Variants in CNDP1 observed in about 807,000 individuals in gnomAD.
CNDP1 encodes beta-Ala-His dipeptidase.
CNDP1 carries 44 observed loss-of-function variants against 58.1 expected under a neutral mutation model. The observed-to-expected ratio is 0.76, with a 90% CI of 0.60 to 0.97. The LOEUF is 0.97. CNDP1 is among the 50% of genes least tolerant of loss of function. The probability of loss-of-function intolerance (pLI) is 0.00; values close to 1 mark genes in which losing one functional copy is unlikely to be tolerated. For synonymous variants in CNDP1, 254 were observed against 252.6 expected, an observed-to-expected ratio of 1.01 and a Z score of -0.05; for missense variants, 616 against 655.1, an observed-to-expected ratio of 0.94 and a Z score of 0.65.
Position 74,576,896 on chromosome 18 carries a change from T to G in CNDP1, c.869T>G (p.Ile290Ser). 1.2e-6 allele frequency: 2 copies of G among 1,613,246 alleles called. No individual in the cohort carries two copies. The highest frequency in any genetic ancestry group is 2.2e-5 in the South Asian group (2 of 90,748). Reference protein sequence around the residue: ...LGSLVDSSGHILVPGIYDEVV... With the variant: ...LGSLVDSSGHSLVPGIYDEVV... ...AGCCTGGTAGACTCGTCTGGTCATA[T>G]CCTGGTCCCTGGAATCTATGATGAA... Residue 290 changes from isoleucine (I) to serine (S), a missense_variant, in exon 8 of 12, where the codon ATC becomes AGC. By Grantham distance (142) the Ile-to-Ser change is moderately radical. Transcript: ENST00000358821.
Position 74,584,901 on chromosome 18 carries a change from A to G in CNDP1, c.*339A>G, listed in dbSNP as rs2887. ...GCAATTTGATTGGCATAATCACTCC[A>G]GTTTGCTTTCTAGGTCCTCAAGTGC... On this transcript the variant is annotated 3_prime_UTR_variant, in exon 12 of 12. Coordinates refer to ENST00000358821, the MANE Select transcript of CNDP1 (RefSeq NM_032649.6). 0.63 allele frequency: 132,049 copies of G among 209,634 alleles called. 42,375 individuals are homozygous for G. The highest frequency in any genetic ancestry group is 0.73 in the South Asian group (5,393 of 7,424). The allele number at this position is 209,634 out of a possible 1,614,324, so 13.0% of individuals were successfully genotyped here.
intron 7 of CNDP1, among the ~76,000 whole-genome samples, chr18:74,575,104 G>GGAAGGAAAGAAAA (rs1981595270): frequency 1.4e-5 from 2 of 144,426 alleles, no homozygotes; most frequent in African/African-American, 2.6e-5. Flanking sequence ...AAAGAAAAAA[G>GGAAGGAAAGAAAA]AAGGAAAGAA....
intron 1 of CNDP1, among the ~76,000 whole-genome samples, chr18:74,541,092 T>C (rs991160264): frequency 4.6e-5 from 7 of 152,314 alleles, no homozygotes; most frequent in African/African-American, 1.7e-4. Flanking sequence ...CACTTTTCTG[T>C]GGTTCACACC....
At chr18:74,583,006 G>T (rs547626208) in intron 10 of CNDP1, among the ~76,000 whole-genome samples, 2 of 151,992 alleles carry the variant, frequency 1.3e-5, no homozygotes, top group African/African-American at 2.4e-5. Context: ...ATTTACAATT[G>T]TATTTATTTA....
chr18:74,537,858 G>C lies in CNDP1; in HGVS notation c.24+3167G>C, dbSNP rs141034481. Among the ~76,000 whole-genome samples the C allele has an allele frequency of 5.8e-4, 88 of 152,282 alleles. No individual in the cohort carries two copies. The South Asian group carries it at 6.0e-3, about 10-fold the overall frequency. On this transcript the variant is annotated intron_variant, in intron 1 of 11. Coordinates refer to ENST00000358821, the MANE Select transcript of CNDP1 (RefSeq NM_032649.6). ...CTCCTTGTTTCTTTCCACATAAAGC[G>C]GCATTCTTGTTAAAACCATAGAGTA... is the stretch of plus-strand genomic sequence containing the variant.
At chr18:74,564,390 A>G (rs1981276619) in intron 5 of CNDP1, among the ~76,000 whole-genome samples, 1 of 152,228 alleles carries the variant, frequency 6.6e-6, no homozygotes, top group Non-Finnish European at 1.5e-5. Context: ...GAGCTAGTCC[A>G]TGCCCTAATA....
chr18:74,574,348 A>G (rs1981574959), intron 7 of CNDP1, among the ~76,000 whole-genome samples: 1 of 152,244 alleles, frequency 6.6e-6, no homozygotes, highest in Non-Finnish European at 1.5e-5. Flanking sequence ...AGCTGCTAAG[A>G]GGATACTTGT....
chr18:74,543,792 A>G (rs1384157217), intron 1 of CNDP1, among the ~76,000 whole-genome samples: 2 of 152,184 alleles, frequency 1.3e-5, no homozygotes, highest in Non-Finnish European at 2.9e-5. Context: ...AGAAGAAAAC[A>G]GAGGAAATGA....
chr18:74,585,601 T>C lies in CNDP1; in HGVS notation c.*1039T>C, dbSNP rs1410978788. ...TCATTTTTCTACAGTTGAGTGTATA[T>C]AAACAAAATCAATCTTTATGAATTT... On this transcript the variant is annotated 3_prime_UTR_variant, in exon 12 of 12. Transcript: ENST00000358821. 1.3e-5 allele frequency: 2 copies of C among 152,322 alleles called. No individual in the cohort carries two copies. The highest frequency in any genetic ancestry group is 3.9e-4 in the East Asian group (2 of 5,188). The allele number at this position is 152,322 out of a possible 1,614,324, so 9.4% of individuals were successfully genotyped here.
intron 11 of CNDP1, chr18:74,584,279 TTGAGTCTAGGAC>T (rs1981859772): frequency 1.9e-6 from 1 of 531,268 alleles, no homozygotes; most frequent in Admixed American, 3.2e-5. Flanking sequence ...ACTTTTGGAT[TTGAGTCTAGGAC>T]TGATTCTCAT....
intron 2 of CNDP1, among the ~76,000 whole-genome samples, chr18:74,558,861 A>G (rs930532255): frequency 6.6e-6 from 1 of 152,144 alleles, no homozygotes; most frequent in Non-Finnish European, 1.5e-5. Context: ...AATGCAGAGC[A>G]TGTTAGGAGG....
chr18:74,587,040 A>G lies in CNDP1; in HGVS notation c.*2478A>G, dbSNP rs948139801. The G allele has an allele frequency of 1.3e-5, 2 of 152,226 alleles. No individual in the cohort carries two copies. The highest frequency in any genetic ancestry group is 2.9e-5 in the Non-Finnish European group (2 of 68,044). 9.4% of individuals were successfully genotyped at this position (152,226 alleles called of 1,614,324 possible). A position where few individuals can be genotyped will look rare whatever the true frequency, so the allele number is the denominator to read the frequency against. On this transcript the variant is annotated 3_prime_UTR_variant, in exon 12 of 12. Transcript: ENST00000358821. ...GACTTTGTTGTATTGGAGGAGGGCAATGTATCTGGCTTTGTTAGTAGACGT... is the reference window on the plus strand; with the variant it reads ...GACTTTGTTGTATTGGAGGAGGGCAGTGTATCTGGCTTTGTTAGTAGACGT...
chr18:74,569,586 G>A (rs1312124505), intron 6 of CNDP1, among the ~76,000 whole-genome samples: 3 of 152,252 alleles, frequency 2.0e-5, no homozygotes, highest in East Asian at 1.9e-4. Flanking sequence ...TAGCATCTCT[G>A]CCCTTAAATT....
At chr18:74,560,749 T>TG (rs1234121757) in intron 3 of CNDP1, 107 bp from the exon 4 acceptor site, 2 of 991,484 alleles carry the variant, frequency 2.0e-6, no homozygotes, top group Non-Finnish European at 3.1e-6. Context: ...GAGAAACTGA[T>TG]GCTCAGTTTC....
chr18:74,558,350 C>G (rs1415385802), intron 2 of CNDP1, among the ~76,000 whole-genome samples: 1 of 151,762 alleles, frequency 6.6e-6, no homozygotes, highest in Admixed American at 6.6e-5. Context: ...CCTCAGTGGT[C>G]CTCACCATCA....
At chr18:74,555,203 CAG>C (rs766714901) in intron 1 of CNDP1, among the ~76,000 whole-genome samples, 6 of 152,178 alleles carry the variant, frequency 3.9e-5, no homozygotes, top group African/African-American at 7.2e-5. Context: ...ACAAAAATAA[CAG>C]AGACAGGCTG....
intron 1 of CNDP1, among the ~76,000 whole-genome samples, chr18:74,547,905 C>A (rs1262790154): frequency 6.6e-6 from 1 of 152,138 alleles, no homozygotes; most frequent in Non-Finnish European, 1.5e-5. Flanking sequence ...TGTTCCAAAT[C>A]TAAAAATCTA....
At position 74,559,413 on chromosome 18, in the gene CNDP1, G is replaced by A. The variant is rs370042652; in HGVS notation, c.244G>A (p.Ala82Thr). Reference sequence around the variant, plus strand: ...GCTCTTCAGAATGATGGCCGTGGCTGCGGACACGCTGCAGCGCCTGGGGGC... The same window carrying A: ...GCTCTTCAGAATGATGGCCGTGGCTACGGACACGCTGCAGCGCCTGGGGGC... Reference protein sequence around the residue: ...QELFRMMAVAADTLQRLGARV... With the variant: ...QELFRMMAVATDTLQRLGARV... The change falls in exon 3 of 12, where the codon GCG (alanine) becomes ACG (threonine). Residue 82 changes from alanine (A) to threonine (T), a missense_variant. Physicochemically the swap from Ala to Thr is moderately conservative, Grantham distance 58. Transcript: ENST00000358821. 1.4e-5 allele frequency: 22 copies of A among 1,613,302 alleles called. No homozygotes were observed. The Admixed American group carries it at 1.7e-4, about 12-fold the overall frequency.
rs948359531 is a variant in CNDP1, at chr18:74,585,312, A to G, written c.*750A>G. ...GAAAAGGCCCACTCTCTCTCTATCC[A>G]ACATCTGTGCACAGGTTGCACCAGA... On this transcript the variant is annotated 3_prime_UTR_variant, in exon 12 of 12. Transcript: ENST00000358821. 6.6e-6 allele frequency: 1 copy of G among 152,154 alleles called. No individual in the cohort carries two copies. Among genetic ancestry groups the G allele is most frequent in the African/African-American group, 2.4e-5 (1 of 41,428 alleles). The allele number at this position is 152,154 out of a possible 1,614,324, so 9.4% of individuals were successfully genotyped here. A position where few individuals can be genotyped will look rare whatever the true frequency, so the allele number is the denominator to read the frequency against.
Sources: gnomAD v4.1 joint callset for allele counts (sites outside exome capture counted in the v4.1 genomes callset) on GRCh38, gnomAD v4.1.1 for gene constraint, MANE v1.5 for transcripts, NCBI Gene and HGNC (gene_info 2026-07-23, HGNC 2026-07-21) for gene names.